The following PMEPA1 variants were observed in gnomAD, a reference collection of about 807,000 sequenced individuals.
PMEPA1 encodes the protein prostate transmembrane protein, androgen induced 1.
PMEPA1 carries 11 observed loss-of-function variants against 23.0 expected under a neutral mutation model. The observed-to-expected ratio is 0.48, with a 90% confidence interval of 0.30 to 0.79. The LOEUF (loss-of-function observed/expected upper bound fraction) is 0.79. Ranked by LOEUF, PMEPA1 falls within the 30% of genes least tolerant of loss-of-function variation. The pLI is 0.06. For synonymous variants in PMEPA1, 204 were observed against 166.4 expected (o/e 1.23, Z -1.74); for missense variants, 377 against 390.9 (o/e 0.96, Z 0.30).
chr20:57,665,970 G>A (rs899313653), intron 1 of PMEPA1, among the ~76,000 whole-genome samples: 1 of 152,172 alleles, frequency 6.6e-6, no homozygotes, highest in Non-Finnish European at 1.5e-5. Flanking sequence ...GAAACATCTC[G>A]CTCTCATTTC....
At chr20:57,670,381 G>A (rs1361433876) in intron 1 of PMEPA1, among the ~76,000 whole-genome samples, 1 of 151,948 alleles carries the variant, frequency 6.6e-6, no homozygotes, top group Non-Finnish European at 1.5e-5. Flanking sequence ...TCACCACCCG[G>A]CCTCAAGCCC....
chr20:57,690,979 G>A (rs2071874765), intron 1 of PMEPA1, among the ~76,000 whole-genome samples: 2 of 152,244 alleles, frequency 1.3e-5, no homozygotes, highest in African/African-American at 4.8e-5. Context: ...TACCAGAGAA[G>A]CAGGGTTAGA....
intron 1 of PMEPA1, among the ~76,000 whole-genome samples, chr20:57,661,225 C>T (rs145951170): frequency 6.6e-6 from 1 of 152,320 alleles, no homozygotes; most frequent in East Asian, 1.9e-4. Context: ...TTATTTTGAT[C>T]CTGCCTGAGC....
chr20:57,710,088 C>T (rs948371317), upstream of PMEPA1: 4 of 954,710 alleles, frequency 4.2e-6, no homozygotes, highest in South Asian at 4.7e-5. Flanking sequence ...CGCCAATCCC[C>T]GCCGAGGTTC....
chr20:57,681,257 G>A (rs570075017), intron 1 of PMEPA1, among the ~76,000 whole-genome samples: 1 of 152,292 alleles, frequency 6.6e-6, no homozygotes, highest in East Asian at 1.9e-4. Context: ...AGTGGGGAAT[G>A]AGAAACACCC....
In PMEPA1 at chr20:57,704,516, C is replaced by T. The variant is rs995183777; in HGVS notation, c.109+4958G>A. On this transcript the variant is annotated intron_variant, in intron 1 of 3. Coordinates refer to ENST00000341744, the MANE Select transcript of PMEPA1 (RefSeq NM_020182.5). This position sits in a 1 kb window ranked among gnomAD's most constrained non-coding sequence, Gnocchi z 4.6. ...CTCTCAGCATGTGCACCGTACAGAA[C>T]CCGAGGCTGGCAGCAGCACAGCCTC... Among the ~76,000 whole-genome samples the T allele has an allele frequency of 6.6e-6, 1 of 152,224 alleles. No homozygotes were observed. The highest frequency in any genetic ancestry group is 6.5e-5 in the Admixed American group (1 of 15,288).
In PMEPA1 at chr20:57,656,152, G is replaced by C. The variant is rs2071323681; in HGVS notation, c.265-3066C>G. On this transcript the variant is annotated intron_variant, in intron 2 of 3. Transcript: ENST00000341744. The surrounding 1 kb of genome is among the most constrained non-coding windows in gnomAD (Gnocchi z 4.7). ...CAGAGATGTTTCTAAAGAATAAAGA[G>C]ATGTTCCTAAAAAATTCGGTACCTC... Among the ~76,000 whole-genome samples, 1 of 151,196 alleles carries C rather than the reference G, an allele frequency of 6.6e-6. No homozygotes were observed. Among genetic ancestry groups the C allele is most frequent in the Admixed American group, 6.6e-5 (1 of 15,252 alleles).
At chr20:57,673,717 G>A (rs2071600159) in intron 1 of PMEPA1, among the ~76,000 whole-genome samples, 1 of 152,138 alleles carries the variant, frequency 6.6e-6, no homozygotes, top group African/African-American at 2.4e-5. Context: ...CCTGGCACCT[G>A]GTCCACAGCC....
At chr20:57,677,280 G>A (rs7271184) in intron 1 of PMEPA1, among the ~76,000 whole-genome samples, 3,823 of 152,248 alleles carry the variant, frequency 0.025, 147 homozygotes, top group African/African-American at 0.083. Flanking sequence ...CTATGGCCCC[G>A]TCTCATTGGG....
intron 2 of PMEPA1, among the ~76,000 whole-genome samples, chr20:57,654,372 T>C (rs755149766): frequency 9.9e-5 from 15 of 152,166 alleles, no homozygotes; most frequent in Non-Finnish European, 1.6e-4. Context: ...TTGGGGCAGG[T>C]TTTTTGAGGG....
chr20:57,669,141 A>AGATTTATT (rs2071532901), intron 1 of PMEPA1, among the ~76,000 whole-genome samples: 2 of 105,598 alleles, frequency 1.9e-5, no homozygotes, highest in African/African-American at 8.0e-5. Context: ...ATAAAAAAGC[A>AGATTTATT]CATTTATTTA....
At chr20:57,666,468 A>C (rs2071493787) in intron 1 of PMEPA1, among the ~76,000 whole-genome samples, 3 of 152,150 alleles carry the variant, frequency 2.0e-5, no homozygotes, top group African/African-American at 7.2e-5. Context: ...GGCGACCGCC[A>C]AAGACCGCAC....
chr20:57,697,508 C>G (rs1788313716), intron 1 of PMEPA1, among the ~76,000 whole-genome samples: 1 of 152,244 alleles, frequency 6.6e-6, no homozygotes, highest in African/African-American at 2.4e-5. Flanking sequence ...AATTTCTCCT[C>G]CAGTGAACTT....
rs73302914 is a variant in PMEPA1 at position 57,652,617 on chromosome 20, G to T, written c.319-19C>A. On this transcript the variant is annotated intron_variant, in intron 3 of 3. Coordinates refer to ENST00000341744, the MANE Select transcript of PMEPA1 (RefSeq NM_020182.5). The surrounding 1 kb of genome is among the most constrained non-coding windows in gnomAD (Gnocchi z 6.1). The stretch of plus-strand genomic sequence containing the variant: ...CCTGCGGCTGGAGGAAGCAGAGCGG[G>T]AGTGAGGGAGGGCGGCTGTCTCAGG... 2 of 1,452,334 alleles carry T rather than the reference G, an allele frequency of 1.4e-6. No individual in the cohort carries two copies. The highest frequency in any genetic ancestry group is 2.8e-5 in the African/African-American group (2 of 70,210). 90.0% of individuals were successfully genotyped at this position (1,452,334 alleles called of 1,614,324 possible). A position where few individuals can be genotyped will look rare whatever the true frequency, so the allele number is the denominator to read the frequency against.
At chr20:57,690,731 A>G in intron 1 of PMEPA1, 1 of 401,116 alleles carries the variant, frequency 2.5e-6, no homozygotes, top group Non-Finnish European at 4.1e-6. Flanking sequence ...TGACACGCCC[A>G]GCCGACCCCC....
chr20:57,687,744 G>A (rs1167391303), intron 1 of PMEPA1, among the ~76,000 whole-genome samples: 1 of 152,216 alleles, frequency 6.6e-6, no homozygotes, highest in African/African-American at 2.4e-5. Flanking sequence ...CTGGGCTCCA[G>A]GAGTCACCAG....
intron 1 of PMEPA1, among the ~76,000 whole-genome samples, chr20:57,705,057 A>G (rs987709909): frequency 6.6e-6 from 1 of 152,164 alleles, no homozygotes; most frequent in African/African-American, 2.4e-5. Context: ...AGTTTTAACC[A>G]TTCCCAACCC....
In PMEPA1 at chr20:57,695,510, G is replaced by A. The variant is rs536448776; in HGVS notation, c.109+13964C>T. On this transcript the variant is annotated intron_variant, in intron 1 of 3. Coordinates refer to ENST00000341744, the MANE Select transcript of PMEPA1 (RefSeq NM_020182.5). ...CAATCCGTCTGCCCTGCTTAAAACT[G>A]CAGGCCTGGCCCGGCGCAGCGGCTC... Among the ~76,000 whole-genome samples the A allele has an allele frequency of 1.1e-4, 17 of 152,372 alleles. 1 individual carries two copies. The highest frequency in any genetic ancestry group is 3.6e-4 in the African/African-American group (15 of 41,588).
intron 1 of PMEPA1, among the ~76,000 whole-genome samples, chr20:57,662,720 G>A (rs1302178065): frequency 4.4e-5 from 3 of 68,578 alleles, no homozygotes; most frequent in Non-Finnish European, 9.5e-5. Flanking sequence ...CCCCACCCCC[G>A]GGGCCTGCAA....
Sources: gnomAD v4.1 joint callset for allele counts (sites outside exome capture counted in the v4.1 genomes callset) on GRCh38, gnomAD v4.1.1 for gene constraint, Gnocchi (gnomAD v3.1) non-coding constraint, MANE v1.5 for transcripts, NCBI Gene and HGNC (gene_info 2026-07-23, HGNC 2026-07-21) for gene names.